Variants in ANK1 observed in about 807,000 individuals in gnomAD.
ANK1 encodes the protein ankyrin-1.
ANK1 carries 51 observed loss-of-function variants against 210.4 expected under a neutral mutation model. That is an observed-to-expected ratio of 0.24 (90% CI 0.19 to 0.31). ANK1 has a LOEUF of 0.31. ANK1 is among the 10% of genes least tolerant of loss of function. The pLI is 1.00. For missense variants in ANK1, 2,051 were observed against 2,504.4 expected, an observed-to-expected ratio of 0.82 and a Z score of 3.86; for synonymous variants, 967 against 1,025.9, an observed-to-expected ratio of 0.94 and a Z score of 1.10.
chr8:41,677,345 C>G (rs1814501348), intron 37 of ANK1, among the ~76,000 whole-genome samples: 1 of 152,098 alleles, frequency 6.6e-6, no homozygotes. Context: ...TTCTGTGTCA[C>G]TGATTTCCAC....
chr8:41,704,378 G>C lies in ANK1; in HGVS notation c.2192C>G (p.Thr731Ser). 5.0e-6 allele frequency: 8 copies of C among 1,614,088 alleles called. No individual in the cohort carries two copies. The highest frequency in any genetic ancestry group is 6.8e-6 in the Non-Finnish European group (8 of 1,179,960). Residue 731 changes from threonine (T) to serine (S), a missense_variant, in exon 19 of 43, where the codon ACC becomes AGC. Coordinates refer to ENST00000289734, the MANE Select transcript of ANK1 (RefSeq NM_000037.4). The surrounding 1 kb of genome is among the most constrained non-coding windows in gnomAD (Gnocchi z 4.1). ...GGGGCTGGGGCACCCCTGTACCTTG[G>C]TCTTGGCATTGACATCTGCCTGGTG... ...LQHQADVNAK[T>S]KLGYSPLHQA...
At position 41,668,250 on chromosome 8, in the gene ANK1, T is replaced by TCC. The variant is rs774356997; in HGVS notation, c.5394+15_5394+16dup. On this transcript the variant is annotated intron_variant, in intron 39 of 42. Coordinates refer to ENST00000289734, the MANE Select transcript of ANK1 (RefSeq NM_000037.4). The stretch of plus-strand genomic sequence containing the variant: ...CTGGGAAGGAACAGCAGCACGCAGC[T>TCC]CCCCTCGGGCTCTCACCTGCACCAC... 1 of 1,614,136 alleles carries TCC rather than the reference T, an allele frequency of 6.2e-7. No individual in the cohort carries two copies. The highest frequency in any genetic ancestry group is 1.3e-5 in the African/African-American group (1 of 75,060).
At chr8:41,842,187 C>T (rs950955695) in intron 1 of ANK1, among the ~76,000 whole-genome samples, 1 of 152,168 alleles carries the variant, frequency 6.6e-6, no homozygotes, top group African/African-American at 2.4e-5. Context: ...AGTGCTGTGG[C>T]TTTCGAGTAA....
chr8:41,735,861 G>A (rs28620644), intron 2 of ANK1, among the ~76,000 whole-genome samples: 4,157 of 152,234 alleles, frequency 0.027, 95 homozygotes, highest in African/African-American at 0.062. Context: ...AAATGAGAAG[G>A]GGGGCTGCAA....
Position 41,719,878 on chromosome 8 carries a change from C to A in ANK1, c.910-20G>T, listed in dbSNP as rs1828803336. ...GCCGTTCTGGGTAAAGAGGAAAACA[C>A]AAGCAATCACAAAGTCTTCTGGGGA... On this transcript the variant is annotated intron_variant, in intron 9 of 42. Coordinates refer to ENST00000289734, the MANE Select transcript of ANK1 (RefSeq NM_000037.4). The A allele has an allele frequency of 1.2e-6, 2 of 1,613,726 alleles. No homozygotes were observed. Among genetic ancestry groups the A allele is most frequent in the Non-Finnish European group, 1.7e-6 (2 of 1,179,612 alleles).
intron 1 of ANK1, among the ~76,000 whole-genome samples, chr8:41,780,246 C>T (rs1844993571): frequency 6.6e-6 from 1 of 152,008 alleles, no homozygotes; most frequent in Admixed American, 6.6e-5. Context: ...GCTATGTTGC[C>T]CAGTCTGGGT....
chr8:41,665,007 G>C, intron 39 of ANK1: 1 of 1,613,924 alleles, frequency 6.2e-7, no homozygotes, highest in Non-Finnish European at 8.5e-7. Flanking sequence ...CAACAGCTGG[G>C]TGACGAAAGT....
At chr8:41,733,275 C>T (rs567566392) in intron 3 of ANK1, among the ~76,000 whole-genome samples, 3 of 152,204 alleles carry the variant, frequency 2.0e-5, no homozygotes, top group East Asian at 3.9e-4. Context: ...TGTTCCAGAT[C>T]GTTAGCGAGG....
chr8:41,813,280 CT>C (rs1379578500), intron 1 of ANK1, among the ~76,000 whole-genome samples: 1 of 152,166 alleles, frequency 6.6e-6, no homozygotes, highest in Non-Finnish European at 1.5e-5. Flanking sequence ...CTGGCTTCAG[CT>C]TGCGGGGCTT....
intron 1 of ANK1, among the ~76,000 whole-genome samples, chr8:41,885,475 G>A (rs1049608025): frequency 6.6e-6 from 1 of 151,242 alleles, no homozygotes; most frequent in Non-Finnish European, 1.5e-5. Flanking sequence ...AACAGCTCAA[G>A]AACTTGGTAA....
At chr8:41,832,770 T>TA (rs1281313819) in intron 1 of ANK1, among the ~76,000 whole-genome samples, 2 of 152,250 alleles carry the variant, frequency 1.3e-5, no homozygotes, top group Non-Finnish European at 2.9e-5. Flanking sequence ...AACGTTCTGA[T>TA]ACAAGTCTGT....
At chr8:41,767,510 C>T (rs909409640) in intron 1 of ANK1, among the ~76,000 whole-genome samples, 2 of 151,524 alleles carry the variant, frequency 1.3e-5, no homozygotes, top group African/African-American at 4.9e-5. Flanking sequence ...CCACTCGCCC[C>T]GGCCCGGCCC....
At chr8:41,786,802 C>G (rs1190914974) in intron 1 of ANK1, among the ~76,000 whole-genome samples, 3 of 152,160 alleles carry the variant, frequency 2.0e-5, no homozygotes, top group Non-Finnish European at 2.9e-5. Context: ...TCAAGCCTCC[C>G]GATTTGCCAG....
In ANK1 at chr8:41,768,844, G is replaced by A. The variant is rs138112803; in HGVS notation, c.28-10707C>T. Among the ~76,000 whole-genome samples, 129 of 151,962 alleles carry A rather than the reference G, an allele frequency of 8.5e-4. No individual in the cohort carries two copies. The East Asian group carries it at 0.022, about 26-fold the overall frequency. ...TAATTAGCCAGGCAAGGTGGCACATGCCTGTAGTCCTGGCTACTCAGGAGG... is the reference window on the plus strand; with the variant it reads ...TAATTAGCCAGGCAAGGTGGCACATACCTGTAGTCCTGGCTACTCAGGAGG... On this transcript the variant is annotated intron_variant, in intron 1 of 42. Transcript: ENST00000289734.
At chr8:41,848,678 AAG>A (rs1309710129) in intron 1 of ANK1, among the ~76,000 whole-genome samples, 1 of 152,218 alleles carries the variant, frequency 6.6e-6, no homozygotes, top group Non-Finnish European at 1.5e-5. Flanking sequence ...CCCTTTTTGA[AAG>A]AGAGACCAGA....
intron 1 of ANK1, among the ~76,000 whole-genome samples, chr8:41,767,949 C>G (rs933490709): frequency 1.3e-5 from 2 of 152,206 alleles, no homozygotes; most frequent in Non-Finnish European, 2.9e-5. Context: ...ACCAGTTAAT[C>G]AGCCTATTCC....
At chr8:41,795,495 C>T (rs1587002841) in intron 1 of ANK1, among the ~76,000 whole-genome samples, 1 of 151,860 alleles carries the variant, frequency 6.6e-6, no homozygotes, top group South Asian at 2.1e-4. Context: ...GGCAACAGAG[C>T]GAGACTCTGT....
At chr8:41,738,105 A>G (rs1282358896) in intron 2 of ANK1, among the ~76,000 whole-genome samples, 1 of 152,230 alleles carries the variant, frequency 6.6e-6, no homozygotes, top group Non-Finnish European at 1.5e-5. Context: ...TTCTGTCAAG[A>G]AGACCCAGAA....
At chr8:41,709,020 A>T (rs369957404) in intron 16 of ANK1, 45 bp from the exon 17 acceptor site, 5 of 1,609,700 alleles carry the variant, frequency 3.1e-6, no homozygotes, top group Non-Finnish European at 4.2e-6. Context: ...AGGAATGCTG[A>T]GCTGACAATA....
Sources: allele counts gnomAD v4.1 joint callset (sites outside exome capture counted in the v4.1 genomes callset), GRCh38; gene constraint gnomAD v4.1.1; non-coding constraint Gnocchi (gnomAD v3.1); transcripts MANE v1.5; gene names NCBI Gene and HGNC (gene_info 2026-07-23, HGNC 2026-07-21).